CEP162: variants seen among roughly 807,000 people sequenced by gnomAD.
The protein encoded by CEP162 is centrosomal protein 162, also known as centrosomal protein of 162 kDa.
Under a neutral mutation model 169.2 loss-of-function variants are expected in CEP162, and 141 were observed. The observed-to-expected ratio is 0.83, with a 90% CI of 0.73 to 0.96. The LOEUF is 0.96. Among genes scored for constraint, CEP162 ranks in the 40% least tolerant of loss-of-function variants. The pLI, the probability that CEP162 is intolerant of heterozygous loss-of-function variation, is 0.00. For synonymous variants in CEP162, 540 were observed against 526.4 expected (o/e 1.03, Z -0.35); for missense variants, 1,600 against 1,587.2 (o/e 1.01, Z -0.14).
intron 3 of CEP162, among the ~76,000 whole-genome samples, chr6:84,219,972 T>C (rs547597094): frequency 6.6e-6 from 1 of 152,092 alleles, no homozygotes; most frequent in South Asian, 2.1e-4. Flanking sequence ...CTAGGCTTTA[T>C]TGGGCAAGAA....
intron 10 of CEP162, among the ~76,000 whole-genome samples, chr6:84,194,553 A>G (rs1160891943): frequency 6.6e-6 from 1 of 151,664 alleles, no homozygotes; most frequent in Non-Finnish European, 1.5e-5. Context: ...TCCCGTGTTC[A>G]AGTGATTCTC....
At chr6:84,194,484 C>T (rs1262829976) in intron 10 of CEP162, among the ~76,000 whole-genome samples, 2 of 143,260 alleles carry the variant, frequency 1.4e-5, no homozygotes, top group Admixed American at 7.2e-5. Context: ...GGCAGAGTCT[C>T]ACTCTGTTGC....
chr6:84,215,678 C>G, intron 4 of CEP162, 98 bp downstream of exon 4: 1 of 1,444,950 alleles, frequency 6.9e-7, no homozygotes, highest in Non-Finnish European at 9.3e-7. Flanking sequence ...AATCTGTCTA[C>G]ATGCTTCAGT....
chr6:84,203,892 C>A, intron 7 of CEP162, 89 bp downstream of exon 7: 1 of 574,902 alleles, frequency 1.7e-6, no homozygotes, highest in East Asian at 3.0e-5. Flanking sequence ...TTATGAAGAA[C>A]TCCATTTTTT....
At chr6:84,208,015 ATTGATT>A (rs1588877413) in intron 6 of CEP162, among the ~76,000 whole-genome samples, 1 of 143,004 alleles carries the variant, frequency 7.0e-6, no homozygotes. Context: ...TTTCAGGTTG[ATTGATT>A]TTTTTTTTTT....
intron 2 of CEP162, among the ~76,000 whole-genome samples, chr6:84,224,064 T>G (rs1439426992): frequency 6.6e-6 from 1 of 152,000 alleles, no homozygotes. Context: ...CAAAAACACA[T>G]CCACACAAAA....
rs752038590 is a variant in CEP162 at position 84,149,566 on chromosome 6, T to A, written c.3767A>T (p.Gln1256Leu). The A allele has an allele frequency of 1.3e-6, 2 of 1,590,498 alleles. No homozygotes were observed. Among genetic ancestry groups the A allele is most frequent in the Admixed American group, 3.6e-5 (2 of 55,912 alleles). The change falls in exon 24 of 27, where the codon CAA becomes CTA. Residue 1256 changes from glutamine (Q) to leucine (L), a missense_variant. Physicochemically the swap from Gln to Leu is moderately radical, Grantham distance 113. Coordinates refer to ENST00000403245, the MANE Select transcript of CEP162 (RefSeq NM_014895.4). ...TAAAACAGATTTGTCATCTACCTCT[T>A]GAGTTGCTATTTTACGATTTAGTTC... ...VAELNRKIATQEVLIRHFQSQ... is the reference protein window; with the variant it reads ...VAELNRKIATLEVLIRHFQSQ...
At chr6:84,214,807 C>T (rs557505796) in intron 5 of CEP162, among the ~76,000 whole-genome samples, 48 of 152,256 alleles carry the variant, frequency 3.2e-4, no homozygotes, top group African/African-American at 1.1e-3. Context: ...AAAGAGAGGA[C>T]CAGTTCAGTG....
intron 7 of CEP162, among the ~76,000 whole-genome samples, chr6:84,203,236 T>C (rs564297672): frequency 1.3e-5 from 2 of 152,312 alleles, no homozygotes; most frequent in African/African-American, 2.4e-5. Context: ...TGGAATCATG[T>C]AGTTCCTTAT....
At position 84,152,683 on chromosome 6, in the gene CEP162, A is replaced by G. The variant is rs748891806; in HGVS notation, c.3491T>C (p.Phe1164Ser). 2.5e-6 allele frequency: 4 copies of G among 1,612,572 alleles called. No homozygotes were observed. The South Asian group carries it at 3.3e-5, about 13-fold the overall frequency. ...LDSKLYQPHT[F>S]TDSHVSEVLQ... Reference sequence around the variant, plus strand: ...AACTTCTGAAACATGGGAATCAGTGAAAGTATGTGGTTGGTACAGCTTGCT... The same window carrying G: ...AACTTCTGAAACATGGGAATCAGTGGAAGTATGTGGTTGGTACAGCTTGCT... Residue 1164 changes from phenylalanine to serine, a missense_variant, in exon 23 of 27, where the codon TTC becomes TCC. Phe to Ser is a radical substitution (Grantham distance 155). Transcript: ENST00000403245.
At chr6:84,138,657 T>C (rs1178162695) in intron 25 of CEP162, among the ~76,000 whole-genome samples, 1 of 152,210 alleles carries the variant, frequency 6.6e-6, no homozygotes, top group African/African-American at 2.4e-5. Flanking sequence ...GTCTTCTATT[T>C]TCAAGTATTT....
chr6:84,225,194 T>C (rs541738678), intron 2 of CEP162, among the ~76,000 whole-genome samples: 36 of 152,206 alleles, frequency 2.4e-4, no homozygotes, highest in Non-Finnish European at 4.1e-4. Flanking sequence ...GGATATGTTC[T>C]GAGAAATGGG....
At chr6:84,226,280 A>G (rs1271158872) in intron 2 of CEP162, 57 bp downstream of exon 2, 5 of 1,125,144 alleles carry the variant, frequency 4.4e-6, no homozygotes, top group Non-Finnish European at 6.6e-6. Context: ...GACAGAATTG[A>G]AGGATGAGTC....
At position 84,190,795 on chromosome 6, in the gene CEP162, AC is replaced by A. The variant is rs568004079; in HGVS notation, c.1109+2813del. ...ATTCTAGAAGTCAGTGAGACCAAGA[AC>A]CCACCAATTCCAGACACACTGGGAC... On this transcript the variant is annotated intron_variant, in intron 11 of 26. Coordinates refer to ENST00000403245, the MANE Select transcript of CEP162 (RefSeq NM_014895.4). 1.2e-4 allele frequency among the ~76,000 whole-genome samples: 19 copies of A among 152,302 alleles called. 1 individual carries two copies. In the South Asian group the frequency reaches 3.9e-3, roughly 32 times the overall value.
chr6:84,161,862 C>A lies in CEP162; in HGVS notation c.2560G>T (p.Glu854Ter), dbSNP rs930419681. 2 of 1,577,180 alleles carry A rather than the reference C, an allele frequency of 1.3e-6. No homozygotes were observed. Among genetic ancestry groups the A allele is most frequent in the African/African-American group, 2.7e-5 (2 of 74,038 alleles). The change falls in exon 20 of 27, where the codon GAA becomes TAA. Residue 854 changes from glutamate (E) to a stop codon, truncating the protein, a stop_gained. Transcript: ENST00000403245. LOFTEE classifies it high-confidence loss of function. Reference sequence around the variant, plus strand: ...AATCTTTTTTGCAGACGACTGATTTCTTGTTTATGTGTTTCTTCTAAAATT... The same window carrying A: ...AATCTTTTTTGCAGACGACTGATTTATTGTTTATGTGTTTCTTCTAAAATT... ...IKILEETHKQ[E>*]ISRLQKRLQW...
intron 13 of CEP162, among the ~76,000 whole-genome samples, chr6:84,178,707 C>A (rs1451964110): frequency 1.3e-5 from 2 of 152,094 alleles, no homozygotes; most frequent in African/African-American, 4.8e-5. Context: ...ATGTGCACAA[C>A]GTGCAGGTTT....
intron 11 of CEP162, 48 bp from the exon 12 acceptor site, chr6:84,186,671 T>C (rs778974774): frequency 8.8e-6 from 13 of 1,476,268 alleles, no homozygotes; most frequent in African/African-American, 1.4e-5. Context: ...GTAACAGCTT[T>C]TCAAATATCA....
At chr6:84,224,239 A>T (rs1355531150) in intron 2 of CEP162, among the ~76,000 whole-genome samples, 1 of 152,248 alleles carries the variant, frequency 6.6e-6, no homozygotes, top group Non-Finnish European at 1.5e-5. Flanking sequence ...ATACTACGAC[A>T]TGGATGAACC....
chr6:84,224,585 T>TA (rs1294346768), intron 2 of CEP162, among the ~76,000 whole-genome samples: 2 of 152,192 alleles, frequency 1.3e-5, no homozygotes, highest in Non-Finnish European at 2.9e-5. Flanking sequence ...ACTACTGTCC[T>TA]AAAAAATAAA....
Sources: allele counts gnomAD v4.1 joint callset (sites outside exome capture counted in the v4.1 genomes callset), GRCh38; gene constraint gnomAD v4.1.1; transcripts MANE v1.5; gene names NCBI Gene and HGNC (gene_info 2026-07-23, HGNC 2026-07-21).